The following GATA4 variants were observed in gnomAD, a reference collection of about 807,000 sequenced individuals.
The protein encoded by GATA4 is transcription factor GATA-4.
A neutral mutation model predicts 37.9 loss-of-function variants in GATA4; 7 were observed. The ratio of observed to expected loss-of-function variants is 0.18; its 90% confidence interval spans 0.11 to 0.35. GATA4 has a LOEUF of 0.35. Among genes scored for constraint, GATA4 ranks in the 10% least tolerant of loss-of-function variants. GATA4 has a pLI of 1.00. For missense variants in GATA4, 647 were observed against 653.0 expected (o/e 0.99, Z 0.10); for synonymous variants, 372 against 292.6 (o/e 1.27, Z -2.77).
chr8:11,717,073 G>T (rs1178043644), intron 2 of GATA4, among the ~76,000 whole-genome samples: 28 of 152,196 alleles, frequency 1.8e-4, no homozygotes, highest in Admixed American at 1.8e-3. Flanking sequence ...TTGGGAAGGA[G>T]TATCGCTCTG....
intron 2 of GATA4, among the ~76,000 whole-genome samples, chr8:11,736,536 G>A (rs563803141): frequency 4.1e-4 from 62 of 152,254 alleles, no homozygotes; most frequent in Non-Finnish European, 7.9e-4. Flanking sequence ...AGCAGCGCTT[G>A]GCAGGAACTC....
Position 11,756,953 on chromosome 8 carries a change from G to C in GATA4, c.1019G>C (p.Ser340Thr). ...KTPAAPSGSESLPPASGASSN... is the reference protein window; with the variant it reads ...KTPAAPSGSETLPPASGASSN... ...ATTCCAGCTCCTTCAGGCAGTGAGA[G>C]CCTTCCTCCCGCCAGCGGTGCTTCC... The change falls in exon 6 of 7, where the codon AGC (serine) becomes ACC (threonine). Residue 340 changes from serine to threonine, a missense_variant. By Grantham distance (58) the Ser-to-Thr change is moderately conservative. This residue lies in a region of GATA4 where 184 missense variants were observed against 157.1 expected (regional missense o/e 1.17). Transcript: ENST00000532059. 6.2e-7 allele frequency: 1 copy of C among 1,614,222 alleles called. No homozygotes were observed. Among genetic ancestry groups the C allele is most frequent in the Non-Finnish European group, 8.5e-7 (1 of 1,180,050 alleles).
intron 1 of GATA4, among the ~76,000 whole-genome samples, chr8:11,706,758 C>T (rs1258750838): frequency 6.6e-6 from 1 of 152,128 alleles, no homozygotes; most frequent in Non-Finnish European, 1.5e-5. Context: ...ATCCCATTCC[C>T]TTCCCCCACC....
intron 2 of GATA4, among the ~76,000 whole-genome samples, chr8:11,722,684 A>G (rs1174975345): frequency 6.6e-6 from 1 of 152,170 alleles, no homozygotes; most frequent in Non-Finnish European, 1.5e-5. Flanking sequence ...CATTGAACAT[A>G]TTCCTCTGTC....
chr8:11,753,153 C>A (rs375414720), intron 4 of GATA4, among the ~76,000 whole-genome samples: 1 of 152,114 alleles, frequency 6.6e-6, no homozygotes, highest in African/African-American at 2.4e-5. Flanking sequence ...ATGTAAACAA[C>A]CCAAGTGTCC....
intron 2 of GATA4, among the ~76,000 whole-genome samples, chr8:11,716,120 A>G (rs555965087): frequency 1.8e-4 from 28 of 152,290 alleles, no homozygotes; most frequent in African/African-American, 6.7e-4. Context: ...TCATCCATGG[A>G]TGGACACCTG....
chr8:11,722,356 C>CGA (rs1255930854), intron 2 of GATA4, among the ~76,000 whole-genome samples: 14 of 152,158 alleles, frequency 9.2e-5, no homozygotes, highest in African/African-American at 3.4e-4. Context: ...CTGAAAAGTA[C>CGA]GAGGACTCTT....
chr8:11,733,214 A>C (rs1003916056), intron 2 of GATA4, among the ~76,000 whole-genome samples: 11 of 152,176 alleles, frequency 7.2e-5, no homozygotes, highest in African/African-American at 2.7e-4. Flanking sequence ...CTTTATTCCA[A>C]ACTCCCTCAA....
Position 11,708,492 on chromosome 8 carries a change from C to G in GATA4, c.180C>G (p.Gly60=). The G allele has an allele frequency of 6.7e-7, 1 of 1,494,160 alleles. No homozygotes were observed. Among genetic ancestry groups the G allele is most frequent in the Middle Eastern group, 2.4e-4 (1 of 4,242 alleles). 92.6% of individuals were successfully genotyped at this position (1,494,160 alleles called of 1,614,324 possible). The change falls in exon 2 of 7, where the codon GGC becomes GGG. Residue 60 remains glycine (G), a synonymous_variant. Coordinates refer to ENST00000532059, the MANE Select transcript of GATA4 (RefSeq NM_001308093.3). The surrounding 1 kb of genome is among the most constrained non-coding windows in gnomAD (Gnocchi z 6.7). The stretch of plus-strand genomic sequence containing the variant: ...CCTACCTCCAGGGCGGAGGCGCGGG[C>G]TCTGCGTCCGGAGGCGCCTCGGGCG... The part of the protein sequence containing the change: ...GLSYLQGGGA[G]SASGGASGGS...
intron 4 of GATA4, among the ~76,000 whole-genome samples, chr8:11,751,275 C>G (rs1488177295): frequency 2.6e-5 from 4 of 152,102 alleles, no homozygotes; most frequent in Admixed American, 6.5e-5. Flanking sequence ...ACAATATTAA[C>G]AAAAAGGCAA....
intron 2 of GATA4, among the ~76,000 whole-genome samples, chr8:11,729,965 G>T (rs1003114141): frequency 3.3e-5 from 5 of 152,110 alleles, no homozygotes; most frequent in Admixed American, 6.5e-5. Context: ...TTGCTCCATT[G>T]CCCAGGCTGG....
intron 2 of GATA4, among the ~76,000 whole-genome samples, chr8:11,723,501 A>C (rs1162981139): frequency 6.6e-6 from 1 of 152,178 alleles, no homozygotes. Context: ...CTTGCTTTCC[A>C]TCCTATAAAA....
chr8:11,684,691 G>A (rs1415756821), intron 1 of GATA4, among the ~76,000 whole-genome samples: 2 of 152,142 alleles, frequency 1.3e-5, no homozygotes, highest in African/African-American at 4.8e-5. Flanking sequence ...CTTAGAGGAC[G>A]GAAAGACTGC....
intron 2 of GATA4, among the ~76,000 whole-genome samples, chr8:11,713,812 G>T (rs1446440734): frequency 6.6e-6 from 1 of 152,226 alleles, no homozygotes; most frequent in Non-Finnish European, 1.5e-5. Context: ...TTGTGGTGGA[G>T]CTCTGCGGAT....
chr8:11,709,505 A>G lies in GATA4; in HGVS notation c.616+577A>G, dbSNP rs1019890480. ...GATGGACAAAGGAGACGCCGGGGAG[A>G]TGCGCGGAACAGGAGCCGGCACTGT... is the stretch of plus-strand genomic sequence containing the variant. On this transcript the variant is annotated intron_variant, in intron 2 of 6. Coordinates refer to ENST00000532059, the MANE Select transcript of GATA4 (RefSeq NM_001308093.3). The surrounding 1 kb of genome is among the most constrained non-coding windows in gnomAD (Gnocchi z 4.3). 2.1e-5 allele frequency among the ~76,000 whole-genome samples: 3 copies of G among 142,718 alleles called. No individual in the cohort carries two copies. The Admixed American group carries it at 2.1e-4, about 10-fold the overall frequency. The allele number at this position is 142,718 out of a possible 152,430, so 93.6% of individuals were successfully genotyped here.
At chr8:11,715,322 T>C (rs1473231136) in intron 2 of GATA4, among the ~76,000 whole-genome samples, 1 of 152,242 alleles carries the variant, frequency 6.6e-6, no homozygotes, top group African/African-American at 2.4e-5. Flanking sequence ...TCACTATGCA[T>C]GCCTTGGAAC....
At chr8:11,706,705 A>C (rs1799903535) in intron 1 of GATA4, among the ~76,000 whole-genome samples, 1 of 152,188 alleles carries the variant, frequency 6.6e-6, no homozygotes, top group African/African-American at 2.4e-5. Context: ...TAAAGAGAGA[A>C]ATGGAGTGTG....
At chr8:11,695,035 C>A (rs1373149119) in intron 1 of GATA4, among the ~76,000 whole-genome samples, 1 of 152,230 alleles carries the variant, frequency 6.6e-6, no homozygotes, top group African/African-American at 2.4e-5. Context: ...CATCCTGCTA[C>A]CTTGCGCCCT....
upstream of GATA4, chr8:11,692,610 C>T (rs775330230): frequency 8.4e-5 from 83 of 985,368 alleles, 2 homozygotes; most frequent in South Asian, 3.5e-3. Context: ...GGGGCGGGAA[C>T]CGGCTTCTGG....
Sources: allele counts gnomAD v4.1 joint callset (sites outside exome capture counted in the v4.1 genomes callset), GRCh38; gene constraint gnomAD v4.1.1; regional missense constraint gnomAD v4.1.1; non-coding constraint Gnocchi (gnomAD v3.1); transcripts MANE v1.5; gene names NCBI Gene and HGNC (gene_info 2026-07-23, HGNC 2026-07-21).